INCENP: variants seen among roughly 807,000 people sequenced by gnomAD.
The protein encoded by INCENP is binds and activates aurora-B and -C in vivo and in vitro.
A neutral mutation model predicts 107.3 loss-of-function variants in INCENP; 43 were observed. The observed-to-expected ratio is 0.40, with a 90% CI of 0.31 to 0.52. The LOEUF (loss-of-function observed/expected upper bound fraction) is 0.52, where lower values mean the gene tolerates loss of function less well. Among genes scored for constraint, INCENP ranks in the 20% least tolerant of loss-of-function variants. The pLI is 0.53. For synonymous variants in INCENP, 488 were observed against 494.4 expected, an observed-to-expected ratio of 0.99 and a Z score of 0.17; for missense variants, 1,089 against 1,250.9, an observed-to-expected ratio of 0.87 and a Z score of 1.95.
Position 62,140,749 on chromosome 11 carries a change from G to A in INCENP, c.1389G>A (p.Glu463=), listed in dbSNP as rs1471835776. 1.9e-6 allele frequency: 3 copies of A among 1,605,608 alleles called. No individual in the cohort carries two copies. Among genetic ancestry groups the A allele is most frequent in the African/African-American group, 1.3e-5 (1 of 74,756 alleles). ...YKQAVSELDE[E]QHLEDEELQP... ...AGGCCGTGAGTGAGCTGGACGAGGA[G>A]CAGCACCTGGAGGATGAGGAGCTGC... The change falls in exon 9 of 19, where the codon GAG becomes GAA. Residue 463 remains glutamate (E), a synonymous_variant. Coordinates refer to ENST00000394818, the MANE Select transcript of INCENP (RefSeq NM_001040694.2).
intron 2 of INCENP, among the ~76,000 whole-genome samples, chr11:62,128,553 G>A (rs1255944486): frequency 6.6e-6 from 1 of 152,226 alleles, no homozygotes; most frequent in African/African-American, 2.4e-5. Flanking sequence ...ATGTGGCAAT[G>A]GACGTGCGCC....
At position 62,129,914 on chromosome 11, in the gene INCENP, T is replaced by A. The variant is rs1943843093; in HGVS notation, c.387T>A (p.Ala129=). The A allele has an allele frequency of 6.2e-7, 1 of 1,613,252 alleles. No individual in the cohort carries two copies. Among genetic ancestry groups the A allele is most frequent in the East Asian group, 2.2e-5 (1 of 44,872 alleles). ...SVLRRVTRAA[A]AAAAATMALA... Reference sequence around the variant, plus strand: ...TGCGGCGTGTGACCCGTGCTGCGGCTGCAGCTGCCGCGGCTACCATGGCAT... The same window carrying A: ...TGCGGCGTGTGACCCGTGCTGCGGCAGCAGCTGCCGCGGCTACCATGGCAT... Residue 129 remains alanine, a synonymous_variant, in exon 4 of 19, where the codon GCT becomes GCA. Transcript: ENST00000394818.
At chr11:62,128,106 T>C (rs983154524) in intron 1 of INCENP, 45 bp from the exon 2 acceptor site, 1 of 1,607,938 alleles carries the variant, frequency 6.2e-7, no homozygotes, top group African/African-American at 1.3e-5. Context: ...CCCAGACCCC[T>C]ACCCTGGGCC....
In INCENP at chr11:62,141,488, T is replaced by G; in HGVS notation, c.1594-12T>G. On this transcript the variant is annotated splice_polypyrimidine_tract_variant and intron_variant, in intron 10 of 18. Transcript: ENST00000394818. ...GCATTAACTCTTGCCTTTTCCCTTG[T>G]CTCCTCCACAGTGCAGCTTCGTCGT... 6.2e-7 allele frequency: 1 copy of G among 1,613,988 alleles called. No individual in the cohort carries two copies. The highest frequency in any genetic ancestry group is 8.5e-7 in the Non-Finnish European group (1 of 1,179,872).
In INCENP at chr11:62,150,091, A is replaced by G; in HGVS notation, c.2426A>G (p.Gln809Arg). 6.2e-7 allele frequency: 1 copy of G among 1,614,036 alleles called. No individual in the cohort carries two copies. The highest frequency in any genetic ancestry group is 8.5e-7 in the Non-Finnish European group (1 of 1,180,004). Residue 809 changes from glutamine (Q) to arginine (R), a missense_variant, in exon 18 of 19, where the codon CAA (glutamine) becomes CGA (arginine). Coordinates refer to ENST00000394818, the MANE Select transcript of INCENP (RefSeq NM_001040694.2). The stretch of plus-strand genomic sequence containing the variant: ...TGTACCTCATATCAGATGACTCCGC[A>G]AGGGCACAGGGCCCCTCCCAAGATC... ...PACTSYQMTPQGHRAPPKINP... is the reference protein window; with the variant it reads ...PACTSYQMTPRGHRAPPKINP...
At chr11:62,134,015 G>C (rs1420599182) in intron 4 of INCENP, among the ~76,000 whole-genome samples, 1 of 152,152 alleles carries the variant, frequency 6.6e-6, no homozygotes, top group East Asian at 1.9e-4. Context: ...CCCCAAAAAA[G>C]CCTCTTTTTT....
At chr11:62,143,463 G>A (rs917179580) in intron 11 of INCENP, among the ~76,000 whole-genome samples, 1 of 152,090 alleles carries the variant, frequency 6.6e-6, no homozygotes, top group African/African-American at 2.4e-5. Flanking sequence ...CTCACTGCTG[G>A]TTGGCTGGTG....
intron 11 of INCENP, among the ~76,000 whole-genome samples, chr11:62,144,034 A>G (rs1944181439): frequency 6.6e-6 from 1 of 152,242 alleles, no homozygotes; most frequent in Admixed American, 6.5e-5. Context: ...AAGTTGCCTT[A>G]AAAATGAACA....
chr11:62,130,227 A>C lies in INCENP; in HGVS notation c.700A>C (p.Ser234Arg). The C allele has an allele frequency of 1.2e-6, 2 of 1,613,736 alleles. No homozygotes were observed. The highest frequency in any genetic ancestry group is 8.5e-7 in the Non-Finnish European group (1 of 1,179,966). Residue 234 changes from serine to arginine, a missense_variant, in exon 4 of 19, where the codon AGC (serine) becomes CGC (arginine). By Grantham distance (110) the Ser-to-Arg change is moderately radical. Coordinates refer to ENST00000394818, the MANE Select transcript of INCENP (RefSeq NM_001040694.2). ...KARILESITV[S>R]SLMATPQDPK... Reference sequence around the variant, plus strand: ...CAGGATACTGGAGTCCATCACAGTGAGCTCCCTGATGGCTACACCCCAGGA... The same window carrying C: ...CAGGATACTGGAGTCCATCACAGTGCGCTCCCTGATGGCTACACCCCAGGA...
rs377759920 is a variant in INCENP at position 62,145,641 on chromosome 11, C to T, written c.1849C>T (p.Arg617Trp). Residue 617 changes from arginine (R) to tryptophan (W), a missense_variant, in exon 14 of 19, where the codon CGG (arginine) becomes TGG (tryptophan). Transcript: ENST00000394818. The part of the protein sequence containing the change: ...DEKTEKAKEE[R>W]LAEEKAKKKA... ...GTGGGCTCTGCAGGCCAAGGAGGAG[C>T]GGCTGGCAGAGGAGAAGGCCAAGAA... is the stretch of plus-strand genomic sequence containing the variant. 2.1e-5 allele frequency: 34 copies of T among 1,591,404 alleles called. No individual in the cohort carries two copies. Among genetic ancestry groups the T allele is most frequent in the African/African-American group, 1.1e-4 (8 of 74,386 alleles).
chr11:62,133,965 A>G (rs917720299), intron 4 of INCENP, among the ~76,000 whole-genome samples: 4 of 152,024 alleles, frequency 2.6e-5, no homozygotes, highest in Non-Finnish European at 5.9e-5. Context: ...CCAAGCCCCC[A>G]TGGCTCAGGA....
intron 17 of INCENP, 70 bp downstream of exon 17, chr11:62,148,916 G>C: frequency 1.0e-6 from 1 of 973,160 alleles, no homozygotes; most frequent in South Asian, 1.6e-5. Flanking sequence ...CCAGTAGCTA[G>C]AGGCACAGGC....
At chr11:62,126,853 T>C (rs1218708672) in intron 1 of INCENP, among the ~76,000 whole-genome samples, 3 of 152,180 alleles carry the variant, frequency 2.0e-5, no homozygotes, top group Non-Finnish European at 4.4e-5. Flanking sequence ...GTAGTTGTTA[T>C]ACTGTATTAT....
intron 2 of INCENP, 69 bp downstream of exon 2, chr11:62,128,370 C>T: frequency 2.6e-6 from 4 of 1,566,318 alleles, no homozygotes; most frequent in Non-Finnish European, 3.5e-6. Flanking sequence ...CTTGGGGACA[C>T]AACAGCCCCT....
In INCENP at chr11:62,138,745, A is replaced by C. The variant is rs1440845456; in HGVS notation, c.1148A>C (p.Glu383Ala). 4.3e-6 allele frequency: 7 copies of C among 1,614,108 alleles called. No individual in the cohort carries two copies. Among genetic ancestry groups the C allele is most frequent in the Non-Finnish European group, 5.9e-6 (7 of 1,180,000 alleles). The change falls in exon 6 of 19, where the codon GAG becomes GCG. Residue 383 changes from glutamate to alanine, a missense_variant. Coordinates refer to ENST00000394818, the MANE Select transcript of INCENP (RefSeq NM_001040694.2). ...CAGAAGGAACCCCCCGAGGAGGCTG[A>C]GCCTGTGGCGGCAGCTGAGCCAGAG... is the stretch of plus-strand genomic sequence containing the variant. Reference protein sequence around the residue: ...SEQKEPPEEAEPVAAAEPEVP... With the variant: ...SEQKEPPEEAAPVAAAEPEVP...
chr11:62,141,122 C>T, intron 10 of INCENP, 78 bp downstream of exon 10: 1 of 1,533,204 alleles, frequency 6.5e-7, no homozygotes, highest in Non-Finnish European at 8.8e-7. Flanking sequence ...CTGTAAGATA[C>T]TGGGAGTAGT....
At chr11:62,128,689 T>C (rs548944302) in intron 2 of INCENP, 81 bp from the exon 3 acceptor site, 4 of 988,128 alleles carry the variant, frequency 4.0e-6, no homozygotes, top group African/African-American at 3.2e-5. Flanking sequence ...TGCCAGGAAA[T>C]GGGCAGGGGC....
At chr11:62,141,588 G>T in intron 11 of INCENP, 77 bp downstream of exon 11, 1 of 1,547,918 alleles carries the variant, frequency 6.5e-7, no homozygotes. Flanking sequence ...CTGCGTAGCT[G>T]ACAGCACCTG....
intron 5 of INCENP, 60 bp downstream of exon 5, chr11:62,137,943 T>A: frequency 6.9e-7 from 1 of 1,455,852 alleles, no homozygotes; most frequent in Non-Finnish European, 9.7e-7. Context: ...GGAGCCAAGG[T>A]GAGCACCAGG....
Sources: allele counts gnomAD v4.1 joint callset (sites outside exome capture counted in the v4.1 genomes callset), GRCh38; gene constraint gnomAD v4.1.1; transcripts MANE v1.5; gene names NCBI Gene and HGNC (gene_info 2026-07-23, HGNC 2026-07-21).